KCTD2: variants seen among roughly 807,000 people sequenced by gnomAD.
The protein encoded by KCTD2 is potassium channel tetramerization domain containing 2.
KCTD2 carries 18 observed loss-of-function variants against 27.9 expected under a neutral mutation model. The observed-to-expected ratio is 0.64, with a 90% CI of 0.45 to 0.96. The LOEUF is 0.96. Among genes scored for constraint, KCTD2 ranks in the 40% least tolerant of loss-of-function variants. The pLI is 0.00. For synonymous variants in KCTD2, 175 were observed against 148.4 expected, an observed-to-expected ratio of 1.18 and a Z score of -1.30; for missense variants, 280 against 348.0, an observed-to-expected ratio of 0.80 and a Z score of 1.56.
intron 3 of KCTD2, among the ~76,000 whole-genome samples, chr17:75,056,872 C>A (rs2073354675): frequency 6.6e-6 from 1 of 152,078 alleles, no homozygotes; most frequent in Non-Finnish European, 1.5e-5. Flanking sequence ...GGCCTCAACC[C>A]TACCTTCGGT....
intron 1 of KCTD2, 103 bp from the exon 2 acceptor site, chr17:75,049,117 A>G: frequency 3.0e-6 from 2 of 664,206 alleles, no homozygotes; most frequent in Non-Finnish European, 5.1e-6. Context: ...GATGGAATGA[A>G]TTGTTGTCTT....
At chr17:75,046,286 G>A (rs960094691), upstream of KCTD2, among the ~76,000 whole-genome samples, 1 of 152,252 alleles carries the variant, frequency 6.6e-6, no homozygotes, top group East Asian at 1.9e-4. Context: ...GTTTCACTAC[G>A]TTGGCCAGGC....
chr17:75,054,393 C>G (rs112777332), intron 3 of KCTD2, among the ~76,000 whole-genome samples: 1 of 152,150 alleles, frequency 6.6e-6, no homozygotes, highest in African/African-American at 2.4e-5. Flanking sequence ...AAAGATGTTA[C>G]GGCACATCTA....
chr17:75,046,548 A>T (rs2073219519), upstream of KCTD2, among the ~76,000 whole-genome samples: 1 of 152,208 alleles, frequency 6.6e-6, no homozygotes, highest in East Asian at 1.9e-4. Flanking sequence ...GCCGAAGGGG[A>T]AGGGCGCAGC....
chr17:75,038,828 T>C, intron 3 of KCTD2: 1 of 1,349,428 alleles, frequency 7.4e-7, no homozygotes, highest in Non-Finnish European at 1.0e-6. Flanking sequence ...AGAGGCTTAA[T>C]TATCTCAACC....
intron 3 of KCTD2, 57 bp downstream of exon 3, chr17:75,053,162 T>G: frequency 7.2e-7 from 1 of 1,381,880 alleles, no homozygotes; most frequent in Non-Finnish European, 1.0e-6. Flanking sequence ...TGTCGGTCGG[T>G]CTGTGATTTG....
intron 3 of KCTD2, among the ~76,000 whole-genome samples, chr17:75,056,033 A>C (rs1258456733): frequency 2.0e-5 from 3 of 152,102 alleles, no homozygotes; most frequent in Non-Finnish European, 1.5e-5. Flanking sequence ...TCCATCTCAA[A>C]AAAAAAAAGT....
At chr17:75,040,057 G>A in intron 3 of KCTD2, 2 of 1,610,356 alleles carry the variant, frequency 1.2e-6, no homozygotes, top group South Asian at 1.1e-5. Context: ...AAGATCAAGA[G>A]AATTTTAGAA....
chr17:75,042,122 C>A, intron 3 of KCTD2: 1 of 1,454,424 alleles, frequency 6.9e-7, no homozygotes, highest in Non-Finnish European at 9.5e-7. Flanking sequence ...TATCCCTGTT[C>A]CTGCTCCCTA....
At chr17:75,037,502 C>G (rs1168891374) in intron 3 of KCTD2, among the ~76,000 whole-genome samples, 1 of 152,186 alleles carries the variant, frequency 6.6e-6, no homozygotes, top group African/African-American at 2.4e-5. Flanking sequence ...ATTCTCATTA[C>G]AATCCTGATA....
At chr17:75,048,556 G>T (rs1322857410) in intron 1 of KCTD2, among the ~76,000 whole-genome samples, 3 of 152,146 alleles carry the variant, frequency 2.0e-5, no homozygotes, top group Non-Finnish European at 4.4e-5. Flanking sequence ...GCTTATAAAG[G>T]AATTATTTTT....
rs370939707 is a variant in KCTD2 at position 75,057,976 on chromosome 17, C to T, written c.541-1534C>T. 2.6e-5 allele frequency among the ~76,000 whole-genome samples: 4 copies of T among 151,966 alleles called. No homozygotes were observed. In the East Asian group the frequency reaches 7.8e-4, roughly 30 times the overall value. On this transcript the variant is annotated intron_variant, in intron 3 of 5. Coordinates refer to ENST00000322444, the MANE Select transcript of KCTD2 (RefSeq NM_015353.3). Reference sequence around the variant, plus strand: ...TTGGGAGGCCTAGGTGGGTGGATCGCCTCAGGTCAAGACCAGCCTGGCCAA... The same window carrying T: ...TTGGGAGGCCTAGGTGGGTGGATCGTCTCAGGTCAAGACCAGCCTGGCCAA...
chr17:75,059,741 G>A, intron 4 of KCTD2, 136 bp downstream of exon 4: 2 of 644,536 alleles, frequency 3.1e-6, no homozygotes, highest in Non-Finnish European at 5.3e-6. Flanking sequence ...CAAAACATGG[G>A]CAAAGAGCCA....
At chr17:75,045,599 T>G (rs1349411796), upstream of KCTD2, among the ~76,000 whole-genome samples, 1 of 152,266 alleles carries the variant, frequency 6.6e-6, no homozygotes, top group African/African-American at 2.4e-5. Flanking sequence ...TTCTCCCATT[T>G]GCTTTTGAAG....
At chr17:75,055,832 T>TA (rs1271178318) in intron 3 of KCTD2, among the ~76,000 whole-genome samples, 141 of 113,430 alleles carry the variant, frequency 1.2e-3, no homozygotes, top group South Asian at 3.2e-3. Flanking sequence ...AACTCCCATC[T>TA]AAAAAAAAAA....
intron 3 of KCTD2, among the ~76,000 whole-genome samples, chr17:75,056,922 C>CTT (rs1317199667): frequency 6.7e-6 from 1 of 148,860 alleles, no homozygotes; most frequent in African/African-American, 2.5e-5. Context: ...CACCTAACTA[C>CTT]TTTCCTCTGT....
chr17:75,040,917 T>C (rs1460837741), intron 3 of KCTD2: 1 of 151,174 alleles, frequency 6.6e-6, no homozygotes, highest in East Asian at 2.0e-4. Flanking sequence ...CTTAGTGTTA[T>C]GGCTCCAGCA....
In KCTD2 at chr17:75,062,056, G is replaced by A. The variant is rs528979011; in HGVS notation, c.637-64G>A. ...TTCAGTCGGAAGAGGGGTGATTTGT[G>A]TAGCACTTTCGAAAGTATGTTAAGA... On this transcript the variant is annotated intron_variant, in intron 4 of 5. Transcript: ENST00000322444. 10 of 1,591,560 alleles carry A rather than the reference G, an allele frequency of 6.3e-6. No homozygotes were observed. The African/African-American group carries it at 8.1e-5, about 13-fold the overall frequency.
intron 1 of KCTD2, chr17:75,033,024 T>C (rs896806843): frequency 1.6e-4 from 25 of 152,284 alleles, no homozygotes; most frequent in African/African-American, 6.0e-4. Context: ...TGGGGCAGAT[T>C]GGCAAGGTCC....
Sources: allele counts gnomAD v4.1 joint callset (sites outside exome capture counted in the v4.1 genomes callset), GRCh38; gene constraint gnomAD v4.1.1; transcripts MANE v1.5; gene names NCBI Gene and HGNC (gene_info 2026-07-23, HGNC 2026-07-21).